Variants in LRRC49 observed in about 807,000 individuals in gnomAD.
LRRC49 encodes leucine rich repeat containing 49.
A neutral mutation model predicts 83.3 loss-of-function variants in LRRC49; 50 were observed. The ratio of observed to expected loss-of-function variants is 0.60; its 90% confidence interval spans 0.48 to 0.76. The LOEUF (loss-of-function observed/expected upper bound fraction) is 0.76. Ranked by LOEUF, LRRC49 falls within the 30% of genes least tolerant of loss-of-function variation. The pLI is 0.00. For missense variants in LRRC49, 704 were observed against 809.1 expected, an observed-to-expected ratio of 0.87 and a Z score of 1.58; for synonymous variants, 286 against 283.3, an observed-to-expected ratio of 1.01 and a Z score of -0.10.
chr15:71,030,948 C>T (rs956499627), intron 14 of LRRC49, among the ~76,000 whole-genome samples: 1 of 151,844 alleles, frequency 6.6e-6, no homozygotes, highest in Non-Finnish European at 1.5e-5. Flanking sequence ...TGGGTTAGAC[C>T]ATGCTCCTTT....
Position 70,904,480 on chromosome 15 carries a change from T to C in LRRC49, c.297-72T>C. 3 of 1,015,598 alleles carry C rather than the reference T, an allele frequency of 3.0e-6. No homozygotes were observed. In the South Asian group the frequency reaches 4.4e-5, roughly 15 times the overall value. 62.9% of individuals were successfully genotyped at this position (1,015,598 alleles called of 1,614,324 possible). On this transcript the variant is annotated intron_variant, in intron 4 of 15. Coordinates refer to ENST00000260382, the MANE Select transcript of LRRC49 (RefSeq NM_017691.5). Reference sequence around the variant, plus strand: ...TCACAGAATGGGAGCACAAAGATACTACTAATAATATTTGTAAGAAGAGGT... The same window carrying C: ...TCACAGAATGGGAGCACAAAGATACCACTAATAATATTTGTAAGAAGAGGT...
chr15:71,051,177 T>C lies in LRRC49; in HGVS notation c.*1565T>C, dbSNP rs1257882404. 1 of 152,278 alleles carries C rather than the reference T, an allele frequency of 6.6e-6. No individual in the cohort carries two copies. Among genetic ancestry groups the C allele is most frequent in the East Asian group, 1.9e-4 (1 of 5,196 alleles). The allele number at this position is 152,278 out of a possible 1,614,324, so 9.4% of individuals were successfully genotyped here. A position where few individuals can be genotyped will look rare whatever the true frequency, so the allele number is the denominator to read the frequency against. On this transcript the variant is annotated 3_prime_UTR_variant, in exon 16 of 16. Transcript: ENST00000260382. ...TCATCTTGGCACTTAGGCCATCAGC[T>C]TACTAGTGTGTAACCTCAGTTTCCT...
intron 8 of LRRC49, among the ~76,000 whole-genome samples, chr15:70,961,989 G>C (rs541274078): frequency 3.9e-5 from 6 of 152,296 alleles, no homozygotes; most frequent in South Asian, 4.1e-4. Flanking sequence ...CCTCCCTAAG[G>C]GGGTGGGGGA....
chr15:70,859,136 A>G, intron 1 of LRRC49: 1 of 1,352,078 alleles, frequency 7.4e-7, no homozygotes, highest in East Asian at 2.3e-5. Context: ...CATGTTCCAG[A>G]GCTATATCAA....
In LRRC49 at chr15:71,028,958, T is replaced by C. The variant is rs139009973; in HGVS notation, c.1704-8221T>C. On this transcript the variant is annotated intron_variant, in intron 14 of 15. Transcript: ENST00000260382. Reference sequence around the variant, plus strand: ...GTCTCTATCTCCTTCATTTCTGCTCTGATATTTGTTATTTCTTGTCTTCTG... The same window carrying C: ...GTCTCTATCTCCTTCATTTCTGCTCCGATATTTGTTATTTCTTGTCTTCTG... 5.3e-5 allele frequency among the ~76,000 whole-genome samples: 8 copies of C among 152,320 alleles called. No individual in the cohort carries two copies. In the East Asian group the frequency reaches 1.5e-3, roughly 29 times the overall value.
chr15:70,996,849 T>A (rs950324960), intron 11 of LRRC49, among the ~76,000 whole-genome samples: 1 of 152,204 alleles, frequency 6.6e-6, no homozygotes. Context: ...CTTTTTCCAG[T>A]GTTTGTTTAA....
chr15:70,987,629 A>G (rs1596104824), intron 11 of LRRC49, among the ~76,000 whole-genome samples: 2 of 151,684 alleles, frequency 1.3e-5, no homozygotes, highest in South Asian at 4.2e-4. Context: ...TTGTGTCTCT[A>G]TTTCCTTCAG....
upstream of LRRC49, among the ~76,000 whole-genome samples, chr15:70,888,185 C>A (rs978786172): frequency 6.6e-6 from 1 of 152,102 alleles, no homozygotes; most frequent in Non-Finnish European, 1.5e-5. Context: ...CAAATCAATT[C>A]TGAAATGTAT....
chr15:70,890,543 C>G (rs1428792465), upstream of LRRC49, among the ~76,000 whole-genome samples: 1 of 152,156 alleles, frequency 6.6e-6, no homozygotes, highest in East Asian at 1.9e-4. Context: ...AGCTTACATT[C>G]TAATATGAGA....
chr15:70,941,043 T>A (rs930318433), intron 8 of LRRC49, among the ~76,000 whole-genome samples: 10 of 152,210 alleles, frequency 6.6e-5, no homozygotes, highest in Non-Finnish European at 1.2e-4. Flanking sequence ...GCTTTATTCC[T>A]TCTTTGTGAG....
chr15:70,965,100 T>G lies in LRRC49; in HGVS notation c.921+1168T>G, dbSNP rs76571007. Among the ~76,000 whole-genome samples the G allele has an allele frequency of 1.5e-4, 23 of 152,298 alleles. No individual in the cohort carries two copies. The East Asian group carries it at 4.4e-3, about 29-fold the overall frequency. On this transcript the variant is annotated intron_variant, in intron 9 of 15. Coordinates refer to ENST00000260382, the MANE Select transcript of LRRC49 (RefSeq NM_017691.5). Reference sequence around the variant, plus strand: ...TCAACACTGTTTCATATTTTTGTGGTGACTCTTTACCCTTATCTCCATGTC... The same window carrying G: ...TCAACACTGTTTCATATTTTTGTGGGGACTCTTTACCCTTATCTCCATGTC...
At chr15:71,045,606 A>G (rs537177841) in intron 15 of LRRC49, among the ~76,000 whole-genome samples, 22 of 152,312 alleles carry the variant, frequency 1.4e-4, no homozygotes, top group Non-Finnish European at 2.4e-4. Context: ...CAATTCATAC[A>G]TTCATATAAC....
At chr15:70,943,152 C>A (rs2035883238) in intron 8 of LRRC49, among the ~76,000 whole-genome samples, 1 of 151,024 alleles carries the variant, frequency 6.6e-6, no homozygotes, top group African/African-American at 2.4e-5. Context: ...TCAGGTTGAT[C>A]CTGTTGAGGT....
intron 1 of LRRC49, chr15:70,854,016 C>T (rs2032574237): frequency 6.9e-7 from 1 of 1,457,704 alleles, no homozygotes; most frequent in Non-Finnish European, 9.1e-7. Flanking sequence ...ACGTCCTCGG[C>T]CTCCTGGATG....
intron 8 of LRRC49, among the ~76,000 whole-genome samples, chr15:70,963,222 G>C (rs939201145): frequency 3.4e-5 from 5 of 145,282 alleles, no homozygotes; most frequent in African/African-American, 1.3e-4. Flanking sequence ...GTTAGGATTA[G>C]CTATGATTGC....
intron 2 of LRRC49, among the ~76,000 whole-genome samples, chr15:70,887,042 T>G (rs2033428760): frequency 2.0e-5 from 3 of 151,994 alleles, no homozygotes; most frequent in African/African-American, 7.3e-5. Context: ...ATACTATTAA[T>G]CAAAATGGAT....
chr15:70,984,425 T>C (rs890572076), intron 11 of LRRC49, 168 bp downstream of exon 11: 2 of 560,496 alleles, frequency 3.6e-6, no homozygotes, highest in Admixed American at 3.6e-5. Context: ...TACTATAACA[T>C]TCTCCAAATT....
intron 1 of LRRC49, among the ~76,000 whole-genome samples, chr15:70,871,238 C>G (rs1244141990): frequency 6.6e-6 from 1 of 151,988 alleles, no homozygotes; most frequent in African/African-American, 2.4e-5. Context: ...TGAGTGGACA[C>G]AGCACATGTT....
rs1180772079 is a variant in LRRC49 at position 70,968,776 on chromosome 15, T to A, written c.921+4844T>A. Reference sequence around the variant, plus strand: ...TTCATGTTTGATGGCTACATAAATGTCTTCTTTTGAGAAGTGTCTGTTCAT... The same window carrying A: ...TTCATGTTTGATGGCTACATAAATGACTTCTTTTGAGAAGTGTCTGTTCAT... On this transcript the variant is annotated intron_variant, in intron 9 of 15. Coordinates refer to ENST00000260382, the MANE Select transcript of LRRC49 (RefSeq NM_017691.5). Among the ~76,000 whole-genome samples the A allele has an allele frequency of 4.6e-5, 7 of 152,392 alleles. No individual in the cohort carries two copies. In the East Asian group the frequency reaches 1.3e-3, roughly 29 times the overall value.
Sources: allele counts gnomAD v4.1 joint callset (sites outside exome capture counted in the v4.1 genomes callset), GRCh38; gene constraint gnomAD v4.1.1; transcripts MANE v1.5; gene names NCBI Gene and HGNC (gene_info 2026-07-23, HGNC 2026-07-21).